Variants in SELENOI observed in about 807,000 individuals in gnomAD.
SELENOI encodes ethanolaminephosphotransferase 1.
A neutral mutation model predicts 50.7 loss-of-function variants in SELENOI; 24 were observed. The ratio of observed to expected loss-of-function variants is 0.47; its 90% CI spans 0.34 to 0.67. The LOEUF (loss-of-function observed/expected upper bound fraction) is 0.67. SELENOI is among the 30% of genes least tolerant of loss of function. The pLI is 0.01. For synonymous variants in SELENOI, 155 were observed against 170.2 expected (o/e 0.91, Z 0.70); for missense variants, 352 against 461.4 (o/e 0.76, Z 2.17).
At chr2:26,358,795 T>A (rs1677115568) in intron 1 of SELENOI, among the ~76,000 whole-genome samples, 1 of 152,180 alleles carries the variant, frequency 6.6e-6, no homozygotes, top group Admixed American at 6.5e-5. Flanking sequence ...TAGAGAAAGA[T>A]GGCTTTGCAG....
chr2:26,359,316 G>A (rs892782815), intron 1 of SELENOI, among the ~76,000 whole-genome samples: 1 of 152,094 alleles, frequency 6.6e-6, no homozygotes, highest in Non-Finnish European at 1.5e-5. Context: ...GACAGGGAGC[G>A]CTGTCTTCAA....
Position 26,390,188 on chromosome 2 carries a change from C to T in SELENOI, c.*1085C>T, listed in dbSNP as rs934279. 150,623 of 151,440 alleles carry T rather than the reference C, an allele frequency of 0.99. 74,909 individuals are homozygous for T. The highest frequency in any genetic ancestry group is 1 in the East Asian group (5,152 of 5,152). The allele number at this position is 151,440 out of a possible 1,614,324, so 9.4% of individuals were successfully genotyped here. A position where few individuals can be genotyped will look rare whatever the true frequency, so the allele number is the denominator to read the frequency against. On this transcript the variant is annotated 3_prime_UTR_variant, in exon 10 of 10. Transcript: ENST00000260585. ...GAGTACATGCCCCCTTTAATGTTAACATGACTTGGAGTAATTTCTGAGGTT... is the reference window on the plus strand; with the variant it reads ...GAGTACATGCCCCCTTTAATGTTAATATGACTTGGAGTAATTTCTGAGGTT...
intron 5 of SELENOI, among the ~76,000 whole-genome samples, 188 bp from the exon 6 acceptor site, chr2:26,374,852 G>T (rs1022251711): frequency 2.0e-5 from 3 of 152,194 alleles, no homozygotes; most frequent in African/African-American, 7.2e-5. Flanking sequence ...TTACAGGCAT[G>T]AGCCCCCACG....
chr2:26,356,778 G>A (rs1677073219), intron 1 of SELENOI, among the ~76,000 whole-genome samples: 1 of 152,014 alleles, frequency 6.6e-6, no homozygotes, highest in South Asian at 2.1e-4. Flanking sequence ...ACTCCCTGTG[G>A]TCCTGCCAGG....
rs1219915065 is a variant in SELENOI, at chr2:26,368,217, G to A, written c.310+997G>A. Reference sequence around the variant, plus strand: ...AAGAGTTTGGAGAAGGAAGAAATCAGTGACGTCTAGAAGAATTAAGGGAAA... The same window carrying A: ...AAGAGTTTGGAGAAGGAAGAAATCAATGACGTCTAGAAGAATTAAGGGAAA... On this transcript the variant is annotated intron_variant, in intron 4 of 9. Transcript: ENST00000260585. Among the ~76,000 whole-genome samples the A allele has an allele frequency of 2.6e-5, 4 of 152,218 alleles. No individual in the cohort carries two copies. In the East Asian group the frequency reaches 5.8e-4, roughly 22 times the overall value.
At chr2:26,380,065 C>T (rs1295821909) in intron 6 of SELENOI, among the ~76,000 whole-genome samples, 1 of 152,198 alleles carries the variant, frequency 6.6e-6, no homozygotes. Context: ...GTGGTTATGC[C>T]ACCAGTTGTG....
chr2:26,395,425 A>G lies in SELENOI; in HGVS notation c.*6322A>G, dbSNP rs1167360155. The stretch of plus-strand genomic sequence containing the variant: ...TGTGTGAGCCAGAAAGAGCTTTGAG[A>G]AAGATGGCTGCTTCCACCAGGGTGG... On this transcript the variant is annotated 3_prime_UTR_variant, in exon 10 of 10. Transcript: ENST00000260585. 1 of 152,278 alleles carries G rather than the reference A, an allele frequency of 6.6e-6. No individual in the cohort carries two copies. The highest frequency in any genetic ancestry group is 2.4e-5 in the African/African-American group (1 of 41,450). The allele number at this position is 152,278 out of a possible 1,614,324, so 9.4% of individuals were successfully genotyped here. A position where few individuals can be genotyped will look rare whatever the true frequency, so the allele number is the denominator to read the frequency against.
rs773457051 is a variant in SELENOI, at chr2:26,395,616, G to A, written c.*6513G>A. On this transcript the variant is annotated 3_prime_UTR_variant, in exon 10 of 10. Transcript: ENST00000260585. ...GGAATATTTTAAAGTGTCAGATAATGTGATGTACAAAGAGAGTATGCCGAT... is the reference window on the plus strand; with the variant it reads ...GGAATATTTTAAAGTGTCAGATAATATGATGTACAAAGAGAGTATGCCGAT... The A allele has an allele frequency of 6.6e-6, 1 of 152,642 alleles. No homozygotes were observed. The highest frequency in any genetic ancestry group is 1.5e-5 in the Non-Finnish European group (1 of 68,046). 9.5% of individuals were successfully genotyped at this position (152,642 alleles called of 1,614,324 possible).
At position 26,383,219 on chromosome 2, in the gene SELENOI, A is replaced by C. The variant is rs937439048; in HGVS notation, c.683-80A>C. 7 of 1,045,852 alleles carry C rather than the reference A, an allele frequency of 6.7e-6. No individual in the cohort carries two copies. The South Asian group carries it at 7.8e-5, about 12-fold the overall frequency. 64.8% of individuals were successfully genotyped at this position (1,045,852 alleles called of 1,614,324 possible). A position where few individuals can be genotyped will look rare whatever the true frequency, so the allele number is the denominator to read the frequency against. On this transcript the variant is annotated intron_variant, in intron 6 of 9. Coordinates refer to ENST00000260585, the MANE Select transcript of SELENOI (RefSeq NM_033505.4). Reference sequence around the variant, plus strand: ...AACCTGAAATTTTTGGGGTCTAAAAAAATTTGTTTTGCATGATTCAGTGGT... The same window carrying C: ...AACCTGAAATTTTTGGGGTCTAAAACAATTTGTTTTGCATGATTCAGTGGT...
Position 26,383,286 on chromosome 2 carries a change from T to C in SELENOI, c.683-13T>C, listed in dbSNP as rs1109465. ...TTGAATAAGCATAATAATTGAATAA[T>C]TATTCCCTTTAGGTTGTGCATTATG... On this transcript the variant is annotated splice_polypyrimidine_tract_variant and intron_variant, in intron 6 of 9. Transcript: ENST00000260585. The C allele has an allele frequency of 0.088, 133,169 of 1,513,822 alleles. 14,021 individuals carry two copies. Among genetic ancestry groups the C allele is most frequent in the East Asian group, 0.62 (25,717 of 41,634 alleles). 93.8% of individuals were successfully genotyped at this position (1,513,822 alleles called of 1,614,324 possible).
At chr2:26,381,570 A>G (rs1677703147) in intron 6 of SELENOI, among the ~76,000 whole-genome samples, 1 of 152,192 alleles carries the variant, frequency 6.6e-6, no homozygotes, top group Non-Finnish European at 1.5e-5. Flanking sequence ...AGTTTGTCTC[A>G]GCCTATTTCC....
In SELENOI at chr2:26,346,210, G is replaced by T. The variant is rs1349170323; in HGVS notation, c.-23G>T. 6.2e-7 allele frequency: 1 copy of T among 1,613,604 alleles called. No individual in the cohort carries two copies. On this transcript the variant is annotated 5_prime_UTR_variant, in exon 1 of 10. Transcript: ENST00000260585. Reference sequence around the variant, plus strand: ...TTGTAGCCGGGAGTCGCTGCCGAGTGGGCGCTCAGTTTTCGGGTCGTCATG... The same window carrying T: ...TTGTAGCCGGGAGTCGCTGCCGAGTTGGCGCTCAGTTTTCGGGTCGTCATG...
intron 1 of SELENOI, among the ~76,000 whole-genome samples, chr2:26,349,670 G>GTTTTTTTTTT (rs372398913): frequency 8.7e-6 from 1 of 115,166 alleles, no homozygotes; most frequent in Non-Finnish European, 1.7e-5. Context: ...CTGCAAGTTG[G>GTTTTTTTTTT]TTTTTTTTTT....
At position 26,392,965 on chromosome 2, in the gene SELENOI, C is replaced by G. The variant is rs1482462157; in HGVS notation, c.*3862C>G. ...TTTAACTAGTATGCTACATTTGAAG[C>G]ACTCTGACATGTACATTTAAAGTGA... is the stretch of plus-strand genomic sequence containing the variant. On this transcript the variant is annotated 3_prime_UTR_variant, in exon 10 of 10. Coordinates refer to ENST00000260585, the MANE Select transcript of SELENOI (RefSeq NM_033505.4). 1 of 152,338 alleles carries G rather than the reference C, an allele frequency of 6.6e-6. No homozygotes were observed. The highest frequency in any genetic ancestry group is 1.5e-5 in the Non-Finnish European group (1 of 68,032). The allele number at this position is 152,338 out of a possible 1,614,324, so 9.4% of individuals were successfully genotyped here.
At chr2:26,377,978 G>A (rs553122071) in intron 6 of SELENOI, among the ~76,000 whole-genome samples, 1 of 152,068 alleles carries the variant, frequency 6.6e-6, no homozygotes, top group East Asian at 1.9e-4. Flanking sequence ...CATTTAACTT[G>A]TTTGGACACA....
At chr2:26,347,087 T>A (rs1438910512) in intron 1 of SELENOI, among the ~76,000 whole-genome samples, 1 of 152,202 alleles carries the variant, frequency 6.6e-6, no homozygotes, top group Non-Finnish European at 1.5e-5. Flanking sequence ...CCGCAGTTCC[T>A]TTACCAATGA....
intron 4 of SELENOI, among the ~76,000 whole-genome samples, chr2:26,372,576 GT>G (rs1677481075): frequency 6.6e-6 from 1 of 152,264 alleles, no homozygotes; most frequent in African/African-American, 2.4e-5. Flanking sequence ...TATGGAGGCA[GT>G]AGGTCTATAA....
Position 26,364,861 on chromosome 2 carries a change from G to T in SELENOI, c.156G>T (p.Leu52=), listed in dbSNP as rs1458442530. 3 of 1,609,962 alleles carry T rather than the reference G, an allele frequency of 1.9e-6. No homozygotes were observed. The highest frequency in any genetic ancestry group is 3.4e-5 in the Admixed American group (2 of 59,636). The change falls in exon 3 of 10, where the codon CTG becomes CTT. Residue 52 remains leucine (L), a synonymous_variant. Coordinates refer to ENST00000260585, the MANE Select transcript of SELENOI (RefSeq NM_033505.4). ...KVFPTWLAPN[L]ITFSGFLLVV... The stretch of plus-strand genomic sequence containing the variant: ...TTCCTACTTGGCTGGCGCCCAATCT[G>T]ATAACTTTTTCTGGCTTTCTGCTGG...
chr2:26,350,622 G>T (rs146309637), intron 1 of SELENOI, among the ~76,000 whole-genome samples: 2 of 152,298 alleles, frequency 1.3e-5, no homozygotes, highest in African/African-American at 4.8e-5. Flanking sequence ...TGAAATTCTT[G>T]TCTTCAAATA....
Sources: gnomAD v4.1 joint callset for allele counts (sites outside exome capture counted in the v4.1 genomes callset) on GRCh38, gnomAD v4.1.1 for gene constraint, MANE v1.5 for transcripts, NCBI Gene and HGNC (gene_info 2026-07-23, HGNC 2026-07-21) for gene names.